Variants in KIF20B observed in about 807,000 individuals in gnomAD.
The protein encoded by KIF20B is kinesin-like protein KIF20B.
In KIF20B, 188 loss-of-function variants were observed where a neutral mutation model predicts 232.5. That is an observed-to-expected ratio of 0.81 (90% CI 0.72 to 0.91). KIF20B has a LOEUF of 0.91. Among genes scored for constraint, KIF20B ranks in the 40% least tolerant of loss-of-function variants. The pLI is 0.00. For missense variants in KIF20B, 2,154 were observed against 2,055.9 expected (o/e 1.05, Z -0.92); for synonymous variants, 712 against 683.0 (o/e 1.04, Z -0.66).
chr10:89,754,582 C>T lies in KIF20B; in HGVS notation c.4412C>T (p.Thr1471Ile). ...KWLEEKMMLI[T>I]QAKEAENIRN... The stretch of plus-strand genomic sequence containing the variant: ...TTAGAAGAAAAAATGATGCTTATCA[C>T]TCAAGCGAAAGAAGCAGAGAATATA... Residue 1471 changes from threonine to isoleucine, a missense_variant, in exon 26 of 33, where the codon ACT (threonine) becomes ATT (isoleucine). Transcript: ENST00000371728. The T allele has an allele frequency of 6.2e-7, 1 of 1,605,774 alleles. No homozygotes were observed. Among genetic ancestry groups the T allele is most frequent in the Non-Finnish European group, 8.5e-7 (1 of 1,175,568 alleles).
Position 89,714,987 on chromosome 10 carries a change from T to C in KIF20B, c.745T>C (p.Phe249Leu). Residue 249 changes from phenylalanine to leucine, a missense_variant, in exon 8 of 33, where the codon TTT (phenylalanine) becomes CTT (leucine). Transcript: ENST00000371728. The part of the protein sequence containing the change: ...SLTNSLNISE[F>L]EESIKDYEQA... ...AACTAACTCTTTGAATATCTCAGAG[T>C]TTGAAGAATCCATAAAAGATTATGA... The C allele has an allele frequency of 6.3e-7, 1 of 1,587,558 alleles. No homozygotes were observed. Among genetic ancestry groups the C allele is most frequent in the South Asian group, 1.2e-5 (1 of 85,080 alleles).
At chr10:89,752,744 T>C in intron 25 of KIF20B, 53 bp downstream of exon 25, 1 of 1,295,504 alleles carries the variant, frequency 7.7e-7, no homozygotes, top group Non-Finnish European at 1.0e-6. Context: ...TCATTATATT[T>C]CTAATAAGAG....
chr10:89,716,577 C>T (rs373563632), intron 9 of KIF20B, 30 bp downstream of exon 9: 28 of 1,005,198 alleles, frequency 2.8e-5, no homozygotes, highest in East Asian at 4.8e-5. Context: ...AGAGTAAACT[C>T]GAATCACCGA....
In KIF20B at chr10:89,751,611, A is replaced by G; in HGVS notation, c.4222+140A>G. On this transcript the variant is annotated intron_variant, in intron 24 of 32. Transcript: ENST00000371728. Reference sequence around the variant, plus strand: ...GTATTTGGTGTTTTTTGAATGTCCTATTACTTGTCATTTTCCACTGTGATG... The same window carrying G: ...GTATTTGGTGTTTTTTGAATGTCCTGTTACTTGTCATTTTCCACTGTGATG... 6.5e-6 allele frequency: 5 copies of G among 767,932 alleles called. No individual in the cohort carries two copies. The East Asian group carries it at 1.5e-4, about 22-fold the overall frequency. 47.6% of individuals were successfully genotyped at this position (767,932 alleles called of 1,614,324 possible).
intron 21 of KIF20B, among the ~76,000 whole-genome samples, chr10:89,739,699 T>C (rs1222734445): frequency 6.7e-6 from 1 of 149,738 alleles, no homozygotes; most frequent in East Asian, 2.0e-4. Context: ...AGTTACCAAA[T>C]AATACTTAAA....
At chr10:89,729,546 CT>C (rs1192386319) in intron 18 of KIF20B, among the ~76,000 whole-genome samples, 5 of 152,150 alleles carry the variant, frequency 3.3e-5, no homozygotes, top group Non-Finnish European at 7.3e-5. Context: ...GGAAGGGGAG[CT>C]TTGAGGAGAA....
At chr10:89,736,537 A>G (rs1230974612) in intron 19 of KIF20B, among the ~76,000 whole-genome samples, 1 of 152,186 alleles carries the variant, frequency 6.6e-6, no homozygotes, top group African/African-American at 2.4e-5. Flanking sequence ...TTATGTAGTC[A>G]TTTAACTTAC....
Position 89,709,220 on chromosome 10 carries a change from A to G in KIF20B, c.201A>G (p.Pro67=). 1.9e-6 allele frequency: 3 copies of G among 1,611,098 alleles called. No individual in the cohort carries two copies. Among genetic ancestry groups the G allele is most frequent in the South Asian group, 2.2e-5 (2 of 90,452 alleles). Residue 67 remains proline (P), a synonymous_variant, in exon 3 of 33, where the codon CCA becomes CCG. Transcript: ENST00000371728. The part of the protein sequence containing the change: ...DYLQVCLRIR[P]FTQSEKELES... The stretch of plus-strand genomic sequence containing the variant: ...TCCAGGTTTGTCTTCGAATAAGACC[A>G]TTTACACAGTCAGAAAAAGAACTTG...
chr10:89,716,614 G>A, intron 9 of KIF20B, 67 bp downstream of exon 9: 1 of 795,210 alleles, frequency 1.3e-6, no homozygotes, highest in Non-Finnish European at 2.1e-6. Flanking sequence ...TTTAAACACA[G>A]CTAATTTTAC....
intron 18 of KIF20B, among the ~76,000 whole-genome samples, chr10:89,731,691 A>T (rs954821571): frequency 1.1e-4 from 17 of 152,098 alleles, no homozygotes; most frequent in Admixed American, 1.1e-3. Flanking sequence ...GATCATTCTG[A>T]TAGGTACCAA....
chr10:89,709,048 G>A (rs1219836281), intron 2 of KIF20B, 119 bp from the exon 3 acceptor site: 2 of 713,158 alleles, frequency 2.8e-6, no homozygotes, highest in East Asian at 2.7e-5. Flanking sequence ...GATAGTGACT[G>A]CTTAGAAATT....
chr10:89,725,175 A>G lies in KIF20B; in HGVS notation c.2001+17A>G, dbSNP rs114276603. On this transcript the variant is annotated intron_variant, in intron 15 of 32. Coordinates refer to ENST00000371728, the MANE Select transcript of KIF20B (RefSeq NM_001284259.2). The stretch of plus-strand genomic sequence containing the variant: ...GAAACTGAAGTATGTTAATTGAAGT[A>G]TTTAAAAATATCCAGTGAGGTTTTG... The G allele has an allele frequency of 5.7e-4, 916 of 1,611,996 alleles. 7 individuals are homozygous for G. In the African/African-American group the frequency reaches 0.01, roughly 18 times the overall value.
rs138088478 is a variant in KIF20B at position 89,757,069 on chromosome 10, T to TATAC, written c.4504-1636_4504-1635insTACA. Among the ~76,000 whole-genome samples the TATAC allele has an allele frequency of 3.6e-3, 479 of 134,322 alleles. 4 individuals carry two copies. The highest frequency in any genetic ancestry group is 0.012 in the African/African-American group (419 of 36,234). 88.1% of individuals were successfully genotyped at this position (134,322 alleles called of 152,430 possible). A position where few individuals can be genotyped will look rare whatever the true frequency, so the allele number is the denominator to read the frequency against. On this transcript the variant is annotated intron_variant, in intron 26 of 32. Coordinates refer to ENST00000371728, the MANE Select transcript of KIF20B (RefSeq NM_001284259.2). The stretch of plus-strand genomic sequence containing the variant: ...ATATATATATATATATATATATATA[T>TATAC]ACACACATGACAATTGCTAGATGAT...
chr10:89,709,353 G>A lies in KIF20B; in HGVS notation c.243G>A (p.Val81=). The A allele has an allele frequency of 6.2e-7, 1 of 1,612,292 alleles. No homozygotes were observed. Among genetic ancestry groups the A allele is most frequent in the Non-Finnish European group, 8.5e-7 (1 of 1,178,874 alleles). The stretch of plus-strand genomic sequence containing the variant: ...GGGGGTATGTTTTCTAGGGCTGTGT[G>A]CATATTCTGGATTCACAGACTGTTG... The part of the protein sequence containing the change: ...SEKELESEGC[V]HILDSQTVVL... Residue 81 remains valine (V), a synonymous_variant, in exon 4 of 33, where the codon GTG becomes GTA. Transcript: ENST00000371728.
chr10:89,719,806 T>C (rs1209711851), intron 13 of KIF20B, 100 bp downstream of exon 13: 3 of 946,238 alleles, frequency 3.2e-6, no homozygotes. Context: ...AACAGTACAC[T>C]GAAGTTTTTG....
In KIF20B at chr10:89,774,137, G is replaced by A. The variant is rs932779169; in HGVS notation, c.*89G>A. 1 of 695,658 alleles carries A rather than the reference G, an allele frequency of 1.4e-6. No individual in the cohort carries two copies. Among genetic ancestry groups the A allele is most frequent in the Non-Finnish European group, 2.3e-6 (1 of 431,814 alleles). 43.1% of individuals were successfully genotyped at this position (695,658 alleles called of 1,614,324 possible). Reference sequence around the variant, plus strand: ...TTGTAAATATAAATGTATATATTATGCATTAAATCACTCTGCATATAGATT... The same window carrying A: ...TTGTAAATATAAATGTATATATTATACATTAAATCACTCTGCATATAGATT... On this transcript the variant is annotated 3_prime_UTR_variant, in exon 33 of 33. Transcript: ENST00000371728.
rs1433457970 is a variant in KIF20B, at chr10:89,758,706, G to A, written c.4504G>A (p.Glu1502Lys). Reference sequence around the variant, plus strand: ...AATATTTTCTTTATTTCCTGATTAGGAAATACTGACAGCCCAGCTGACAGA... The same window carrying A: ...AATATTTTCTTTATTTCCTGATTAGAAAATACTGACAGCCCAGCTGACAGA... ...ERFFKQQNEM[E>K]ILTAQLTEKD... The change falls in exon 27 of 33, where the codon GAA becomes AAA. Residue 1502 changes from glutamate (E) to lysine (K), a missense_variant and splice_region_variant. Physicochemically the swap from Glu to Lys is moderately conservative, Grantham distance 56. Transcript: ENST00000371728. 6.4e-7 allele frequency: 1 copy of A among 1,569,592 alleles called. No individual in the cohort carries two copies. Among genetic ancestry groups the A allele is most frequent in the Non-Finnish European group, 8.6e-7 (1 of 1,161,950 alleles).
chr10:89,764,832 C>T (rs1411089982), intron 29 of KIF20B, among the ~76,000 whole-genome samples: 1 of 151,990 alleles, frequency 6.6e-6, no homozygotes, highest in African/African-American at 2.4e-5. Context: ...AAAATTTTCT[C>T]CCATTTTGTA....
intron 6 of KIF20B, among the ~76,000 whole-genome samples, chr10:89,713,144 G>T (rs1035060215): frequency 2.3e-4 from 35 of 152,198 alleles, no homozygotes; most frequent in African/African-American, 6.7e-4. Flanking sequence ...CTGATCACTT[G>T]AGGCCAGGAG....
Sources: allele counts gnomAD v4.1 joint callset (sites outside exome capture counted in the v4.1 genomes callset), GRCh38; gene constraint gnomAD v4.1.1; transcripts MANE v1.5; gene names NCBI Gene and HGNC (gene_info 2026-07-23, HGNC 2026-07-21).